AUNIP: variants seen among roughly 807,000 people sequenced by gnomAD.
The protein encoded by AUNIP is aurora kinase A- and ninein-interacting protein.
AUNIP carries 16 observed loss-of-function variants against 12.2 expected under a neutral mutation model. That is an observed-to-expected ratio of 1.31 (90% CI 0.88 to 1.99). The LOEUF is 1.99. Ranked by LOEUF, AUNIP falls within the 30% of genes most tolerant of loss-of-function variation. AUNIP has a pLI of 0.00. For synonymous variants in AUNIP, 142 were observed against 154.8 expected (o/e 0.92, Z 0.61); for missense variants, 411 against 419.1 (o/e 0.98, Z 0.17).
At chr1:25,835,870 T>C in intron 2 of AUNIP, 24 bp from the exon 3 acceptor site, 19 of 1,605,646 alleles carry the variant, frequency 1.2e-5, no homozygotes, top group Non-Finnish European at 1.6e-5. Flanking sequence ...AATGAACAAA[T>C]ATTATTCTGC....
intron 2 of AUNIP, among the ~76,000 whole-genome samples, chr1:25,837,016 TAATTTG>T (rs2048307936): frequency 6.6e-6 from 1 of 152,190 alleles, no homozygotes; most frequent in Non-Finnish European, 1.5e-5. Flanking sequence ...AACCTTTCAC[TAATTTG>T]AGAAGCGTCA....
intron 1 of AUNIP, among the ~76,000 whole-genome samples, chr1:25,841,416 G>A (rs1006951455): frequency 2.6e-5 from 4 of 152,166 alleles, no homozygotes; most frequent in African/African-American, 7.2e-5. Flanking sequence ...CCTGTGTTGA[G>A]CAAGTCCGTC....
intron 1 of AUNIP, among the ~76,000 whole-genome samples, chr1:25,851,368 T>A (rs1273669480): frequency 6.6e-6 from 1 of 152,218 alleles, no homozygotes; most frequent in Non-Finnish European, 1.5e-5. Context: ...AGTATCAGAG[T>A]AATACTGGCC....
Position 25,847,662 on chromosome 1 carries a change from AAAT to A in AUNIP, c.79-10111_79-10109del, listed in dbSNP as rs2048393872. Among the ~76,000 whole-genome samples, 1 of 152,152 alleles carries A rather than the reference AAAT, an allele frequency of 6.6e-6. No homozygotes were observed. Among genetic ancestry groups the A allele is most frequent in the East Asian group, 1.9e-4 (1 of 5,198 alleles). Reference sequence around the variant, plus strand: ...GAGAGAGACTAATAAACCAAAATAAAAATAAACAACTGGCCAGACACAGTGGCT... The same window carrying A: ...GAGAGAGACTAATAAACCAAAATAAAAAACAACTGGCCAGACACAGTGGCT... On this transcript the variant is annotated intron_variant, in intron 1 of 2. Transcript: ENST00000374298. This position sits in a 1 kb window ranked among gnomAD's most constrained non-coding sequence, Gnocchi z 4.2.
At chr1:25,840,893 G>A (rs1333168138) in intron 1 of AUNIP, among the ~76,000 whole-genome samples, 1 of 152,138 alleles carries the variant, frequency 6.6e-6, no homozygotes, top group Non-Finnish European at 1.5e-5. Context: ...AGATAGCGAT[G>A]AACAAAATAG....
chr1:25,833,647 G>A (rs185465002), downstream of AUNIP, among the ~76,000 whole-genome samples: 33 of 152,036 alleles, frequency 2.2e-4, no homozygotes, highest in East Asian at 9.7e-4. Context: ...TCAGCTACTC[G>A]GGAGGCTGAG....
intron 1 of AUNIP, among the ~76,000 whole-genome samples, chr1:25,841,467 G>A (rs147438054): frequency 6.6e-5 from 10 of 151,960 alleles, no homozygotes; most frequent in African/African-American, 2.4e-4. Context: ...TCATGTCTGT[G>A]TCCCATTTTG....
chr1:25,836,771 GT>G (rs1030627845), intron 2 of AUNIP, among the ~76,000 whole-genome samples: 4 of 152,018 alleles, frequency 2.6e-5, no homozygotes, highest in African/African-American at 9.7e-5. Context: ...AAGAGTGTAC[GT>G]TTTTGTTTGG....
intron 2 of AUNIP, 108 bp downstream of exon 2, chr1:25,837,305 A>T (rs950846849): frequency 2.6e-5 from 35 of 1,346,576 alleles, no homozygotes; most frequent in Non-Finnish European, 3.0e-6. Context: ...GCTAAGTTTA[A>T]CACAATGCAC....
At position 25,834,747 on chromosome 1, in the gene AUNIP, T is replaced by C; in HGVS notation, c.*246A>G. 1 of 1,352,086 alleles carries C rather than the reference T, an allele frequency of 7.4e-7. No homozygotes were observed. Among genetic ancestry groups the C allele is most frequent in the Non-Finnish European group, 9.5e-7 (1 of 1,054,120 alleles). The allele number at this position is 1,352,086 out of a possible 1,614,324, so 83.8% of individuals were successfully genotyped here. A position where few individuals can be genotyped will look rare whatever the true frequency, so the allele number is the denominator to read the frequency against. On this transcript the variant is annotated 3_prime_UTR_variant, in exon 3 of 3. Transcript: ENST00000374298. ...ATAAATACCCACTGTGCTGCCTCAG[T>C]GTTCATCATAGACTCATTCAGGGAA...
intron 1 of AUNIP, among the ~76,000 whole-genome samples, chr1:25,855,962 A>G (rs1341431003): frequency 6.6e-6 from 1 of 152,206 alleles, no homozygotes; most frequent in African/African-American, 2.4e-5. Context: ...AGAATAAGTT[A>G]AGGGCCTAGA....
rs2048490384 is a variant in AUNIP at position 25,859,451 on chromosome 1, C to A, written c.-94G>T. 8.3e-7 allele frequency: 1 copy of A among 1,199,268 alleles called. No individual in the cohort carries two copies. The highest frequency in any genetic ancestry group is 1.7e-5 in the South Asian group (1 of 59,876). The allele number at this position is 1,199,268 out of a possible 1,614,324, so 74.3% of individuals were successfully genotyped here. A position where few individuals can be genotyped will look rare whatever the true frequency, so the allele number is the denominator to read the frequency against. ...CGCGGCCGCCGACGTTCGGATCTCG[C>A]GCCAACGCTGGGGGCGGGGCTACGT... On this transcript the variant is annotated 5_prime_UTR_variant, in exon 1 of 3. Transcript: ENST00000374298.
At chr1:25,844,684 G>A (rs192827881) in intron 1 of AUNIP, among the ~76,000 whole-genome samples, 40 of 151,406 alleles carry the variant, frequency 2.6e-4, no homozygotes, top group African/African-American at 9.2e-4. Flanking sequence ...GGTCACTCTG[G>A]TCTTAAATTT....
At chr1:25,831,997 G>A, downstream of AUNIP, 1 of 1,614,174 alleles carries the variant, frequency 6.2e-7, no homozygotes, top group South Asian at 1.1e-5. Context: ...TGCTCTAAAG[G>A]AAGAAGATAT....
Position 25,859,453 on chromosome 1 carries a change from C to A in AUNIP, c.-96G>T, listed in dbSNP as rs1210620182. On this transcript the variant is annotated 5_prime_UTR_variant, in exon 1 of 3. Transcript: ENST00000374298. ...CGGCCGCCGACGTTCGGATCTCGCGCCAACGCTGGGGGCGGGGCTACGTCG... is the reference window on the plus strand; with the variant it reads ...CGGCCGCCGACGTTCGGATCTCGCGACAACGCTGGGGGCGGGGCTACGTCG... The A allele has an allele frequency of 2.5e-6, 3 of 1,184,152 alleles. No individual in the cohort carries two copies. Among genetic ancestry groups the A allele is most frequent in the Non-Finnish European group, 3.4e-6 (3 of 894,150 alleles). The allele number at this position is 1,184,152 out of a possible 1,614,324, so 73.4% of individuals were successfully genotyped here. A position where few individuals can be genotyped will look rare whatever the true frequency, so the allele number is the denominator to read the frequency against.
chr1:25,854,852 G>A (rs2048449310), intron 1 of AUNIP, among the ~76,000 whole-genome samples: 1 of 152,002 alleles, frequency 6.6e-6, no homozygotes, highest in Non-Finnish European at 1.5e-5. Context: ...CCTCTCCACA[G>A]AGCTGCTTGA....
At chr1:25,839,058 C>A (rs2048330792) in intron 1 of AUNIP, among the ~76,000 whole-genome samples, 1 of 152,178 alleles carries the variant, frequency 6.6e-6, no homozygotes, top group East Asian at 1.9e-4. Context: ...TTCTCTTCCA[C>A]CACATACAAC....
intron 1 of AUNIP, among the ~76,000 whole-genome samples, chr1:25,843,399 G>A (rs955659099): frequency 6.6e-6 from 1 of 150,934 alleles, no homozygotes; most frequent in African/African-American, 2.4e-5. Flanking sequence ...ATCCTGTGAT[G>A]GATCTGGGCA....
chr1:25,858,829 T>C (rs1016058807), intron 1 of AUNIP, among the ~76,000 whole-genome samples: 1 of 152,322 alleles, frequency 6.6e-6, no homozygotes, highest in Middle Eastern at 3.4e-3. Context: ...GGGCAGGTAG[T>C]TGGCCTGCAA....
Sources: gnomAD v4.1 joint callset for allele counts (sites outside exome capture counted in the v4.1 genomes callset) on GRCh38, gnomAD v4.1.1 for gene constraint, Gnocchi (gnomAD v3.1) non-coding constraint, MANE v1.5 for transcripts, NCBI Gene and HGNC (gene_info 2026-07-23, HGNC 2026-07-21) for gene names.